The following ANO4 variants were observed in gnomAD, a reference collection of about 807,000 sequenced individuals.
ANO4 encodes the protein anoctamin 4, also known as anoctamin-4.
Under a neutral mutation model 141.9 loss-of-function variants are expected in ANO4, and 69 were observed. That is an observed-to-expected ratio of 0.49 (90% CI 0.40 to 0.59). The LOEUF is 0.59. ANO4 is among the 20% of genes least tolerant of loss of function. The pLI, the probability that ANO4 is intolerant of heterozygous loss-of-function variation, is 0.00. For synonymous variants in ANO4, 350 were observed against 394.3 expected (o/e 0.89, Z 1.33); for missense variants, 894 against 1,162.2 (o/e 0.77, Z 3.36).
intron 3 of ANO4, among the ~76,000 whole-genome samples, chr12:100,787,179 G>C (rs1203711149): frequency 6.6e-6 from 1 of 152,154 alleles, no homozygotes; most frequent in Non-Finnish European, 1.5e-5. Flanking sequence ...TGTGTGATCG[G>C]TGCCAAAACT....
At chr12:100,849,755 A>G (rs187370806) in intron 1 of ANO4, among the ~76,000 whole-genome samples, 1 of 152,192 alleles carries the variant, frequency 6.6e-6, no homozygotes, top group African/African-American at 2.4e-5. Context: ...TTTTAGAGCT[A>G]TATTTTCTAG....
intron 14 of ANO4, among the ~76,000 whole-genome samples, chr12:101,072,617 G>A (rs1485316931): frequency 1.3e-5 from 2 of 152,116 alleles, no homozygotes; most frequent in African/African-American, 4.8e-5. Flanking sequence ...AAGAGCTTCT[G>A]CACAGCAAAA....
At position 100,884,894 on chromosome 12, in the gene ANO4, C is replaced by T. The variant is rs923796625; in HGVS notation, c.-140-16752C>T. On this transcript the variant is annotated intron_variant, in intron 1 of 27. Transcript: ENST00000392977. ...ATTTGTAGTAGAGGTGGGGTTTCAC[C>T]ATGTTGTCCAGGCTGGTCTTGAACT... Among the ~76,000 whole-genome samples, 8 of 152,304 alleles carry T rather than the reference C, an allele frequency of 5.3e-5. No individual in the cohort carries two copies. In the South Asian group the frequency reaches 1.7e-3, roughly 32 times the overall value.
At chr12:101,103,183 T>TATA (rs1197565753) in intron 22 of ANO4, among the ~76,000 whole-genome samples, 930 of 18,466 alleles carry the variant, frequency 0.05, 192 homozygotes, top group Middle Eastern at 0.18. Flanking sequence ...TTTAGTCATT[T>TATA]TATATATATA....
At chr12:100,776,361 C>T (rs1241525476) in intron 3 of ANO4, among the ~76,000 whole-genome samples, 2 of 152,184 alleles carry the variant, frequency 1.3e-5, no homozygotes, top group African/African-American at 4.8e-5. Flanking sequence ...GCTCTCCAGA[C>T]CGACCCCAGA....
At chr12:101,036,096 A>C (rs951299892) in intron 9 of ANO4, among the ~76,000 whole-genome samples, 3 of 152,208 alleles carry the variant, frequency 2.0e-5, no homozygotes, top group Non-Finnish European at 2.9e-5. Flanking sequence ...CAACAGGTAT[A>C]TGAAAAGGTG....
intron 1 of ANO4, among the ~76,000 whole-genome samples, chr12:100,820,041 G>A (rs2035952510): frequency 6.6e-6 from 1 of 151,886 alleles, no homozygotes; most frequent in South Asian, 2.1e-4. Context: ...CATATTATAG[G>A]CTCTGTCTTT....
intron 1 of ANO4, among the ~76,000 whole-genome samples, chr12:100,880,755 A>T (rs775906104): frequency 3.3e-5 from 5 of 152,144 alleles, no homozygotes; most frequent in Non-Finnish European, 7.3e-5. Context: ...CATATGCAAG[A>T]CCTCAGTAAA....
At chr12:100,727,937 CATTAT>C (rs1172084296) in intron 1 of ANO4, among the ~76,000 whole-genome samples, 1 of 152,170 alleles carries the variant, frequency 6.6e-6, no homozygotes, top group Non-Finnish European at 1.5e-5. Flanking sequence ...TACACCTATT[CATTAT>C]ATTTTGTTTA....
intron 1 of ANO4, among the ~76,000 whole-genome samples, chr12:100,810,087 T>C (rs972638998): frequency 6.6e-6 from 1 of 152,018 alleles, no homozygotes; most frequent in Non-Finnish European, 1.5e-5. Context: ...TAAGTTGATA[T>C]GTTAAGCAGT....
chr12:100,879,486 A>G (rs191641814), intron 1 of ANO4, among the ~76,000 whole-genome samples: 1 of 152,300 alleles, frequency 6.6e-6, no homozygotes, highest in Non-Finnish European at 1.5e-5. Flanking sequence ...TTGAGAGCAG[A>G]TCTTCCTCTT....
intron 1 of ANO4, among the ~76,000 whole-genome samples, chr12:100,875,771 T>A (rs564231499): frequency 8.9e-4 from 136 of 152,252 alleles, no homozygotes; most frequent in Non-Finnish European, 1.4e-3. Context: ...AAGAATGACT[T>A]TCAGATTTTG....
At chr12:100,885,238 C>T (rs539821669) in intron 1 of ANO4, among the ~76,000 whole-genome samples, 49 of 152,320 alleles carry the variant, frequency 3.2e-4, no homozygotes, top group African/African-American at 1.1e-3. Context: ...TTCACAGGTT[C>T]CAGAGATGAA....
intron 9 of ANO4, 108 bp downstream of exon 9, chr12:101,020,248 T>C (rs750847167): frequency 1.4e-6 from 1 of 713,174 alleles, no homozygotes; most frequent in Non-Finnish European, 2.4e-6. Flanking sequence ...TTGTCACTTA[T>C]AAAACCCCTA....
At chr12:101,061,517 C>A (rs547357555) in intron 14 of ANO4, among the ~76,000 whole-genome samples, 2 of 152,122 alleles carry the variant, frequency 1.3e-5, no homozygotes, top group African/African-American at 4.8e-5. Flanking sequence ...TTCAGGTACA[C>A]CAATCAAATG....
chr12:100,744,452 T>A (rs1415187194), intron 3 of ANO4, among the ~76,000 whole-genome samples: 3 of 152,290 alleles, frequency 2.0e-5, no homozygotes, highest in East Asian at 3.9e-4. Context: ...CAGGATAGAA[T>A]GAGAGCGAGC....
At chr12:100,862,395 C>A (rs1295089316) in intron 1 of ANO4, among the ~76,000 whole-genome samples, 1 of 152,154 alleles carries the variant, frequency 6.6e-6, no homozygotes, top group Non-Finnish European at 1.5e-5. Context: ...AATCTCAGCT[C>A]ACTGCAATCT....
chr12:100,868,843 G>A (rs1484300482), intron 1 of ANO4, among the ~76,000 whole-genome samples: 1 of 152,210 alleles, frequency 6.6e-6, no homozygotes, highest in East Asian at 1.9e-4. Context: ...GAGCCAAGAG[G>A]CAAAATTCAA....
chr12:100,812,535 G>T (rs965119620), intron 1 of ANO4, among the ~76,000 whole-genome samples: 17 of 147,814 alleles, frequency 1.2e-4, no homozygotes, highest in African/African-American at 4.5e-4. Context: ...TGAAGTAAAA[G>T]TAGGTCAGAA....
Sources: gnomAD v4.1 joint callset for allele counts (sites outside exome capture counted in the v4.1 genomes callset) on GRCh38, gnomAD v4.1.1 for gene constraint, MANE v1.5 for transcripts, NCBI Gene and HGNC (gene_info 2026-07-23, HGNC 2026-07-21) for gene names.